Variants in MUC6 observed in about 807,000 individuals in gnomAD.
The protein encoded by MUC6 is mucin 6, oligomeric mucus/gel-forming (gene/pseudogene).
Under a neutral mutation model 201.5 loss-of-function variants are expected in MUC6, and 188 were observed. The ratio of observed to expected loss-of-function variants is 0.93; its 90% CI spans 0.83 to 1.05. MUC6 has a LOEUF of 1.05. Ranked by LOEUF, MUC6 falls within the 50% of genes least tolerant of loss-of-function variation. The pLI is 0.00. For synonymous variants in MUC6, 1,228 were observed against 1,389.4 expected, an observed-to-expected ratio of 0.88 and a Z score of 2.58; for missense variants, 2,706 against 3,256.9, an observed-to-expected ratio of 0.83 and a Z score of 4.12.
rs756777867 is a variant in MUC6 at position 1,029,359 on chromosome 11, T to A, written c.1144A>T (p.Thr382Ser). The A allele has an allele frequency of 6.3e-7, 1 of 1,597,536 alleles. No individual in the cohort carries two copies. The highest frequency in any genetic ancestry group is 1.1e-5 in the South Asian group (1 of 88,888). ...TCCGTGCACACCCAGCGGCCCAGGG[T>A]GCACCGGCTGTGGGTGGGCGTGGGG... Reference protein sequence around the residue: ...TIAACQTCRCTLGRWVCTERP... With the variant: ...TIAACQTCRCSLGRWVCTERP... The change falls in exon 10 of 33, where the codon ACC (threonine) becomes TCC (serine). Residue 382 changes from threonine to serine, a missense_variant. Physicochemically the swap from Thr to Ser is moderately conservative, Grantham distance 58. This residue lies in a region of MUC6 where 1,850 missense variants were observed against 1,958.3 expected (regional missense o/e 0.94). Coordinates refer to ENST00000421673, the MANE Select transcript of MUC6 (RefSeq NM_005961.3).
At position 1,016,459 on chromosome 11, in the gene MUC6, C is replaced by A; in HGVS notation, c.6342G>T (p.Leu2114Phe). The A allele has an allele frequency of 1.9e-6, 3 of 1,613,672 alleles. No homozygotes were observed. Among genetic ancestry groups the A allele is most frequent in the Non-Finnish European group, 2.5e-6 (3 of 1,179,822 alleles). ...SSPITTQLPHLSSATTPVSTT... is the reference protein window; with the variant it reads ...SSPITTQLPHFSSATTPVSTT... ...TGGAAACAGGAGTGGTTGCAGAACT[C>A]AAGTGGGGGAGTTGTGTGGTGATAG... The change falls in exon 31 of 33, where the codon TTG (leucine) becomes TTT (phenylalanine). Residue 2114 changes from leucine to phenylalanine, a missense_variant. Leu to Phe is a conservative substitution (Grantham distance 22, BLOSUM62 0). Coordinates refer to ENST00000421673, the MANE Select transcript of MUC6 (RefSeq NM_005961.3).
chr11:1,026,170 G>T, intron 20 of MUC6, 29 bp from the exon 21 acceptor site: 2 of 1,572,942 alleles, frequency 1.3e-6, no homozygotes, highest in Non-Finnish European at 8.6e-7. Context: ...TGGGTGGTGG[G>T]CCTGCGGCCC....
chr11:1,013,879 C>A lies in MUC6; in HGVS notation c.7142+20G>T. The A allele has an allele frequency of 6.3e-7, 1 of 1,590,264 alleles. No individual in the cohort carries two copies. Among genetic ancestry groups the A allele is most frequent in the Non-Finnish European group, 8.5e-7 (1 of 1,170,048 alleles). On this transcript the variant is annotated intron_variant, in intron 32 of 32. Coordinates refer to ENST00000421673, the MANE Select transcript of MUC6 (RefSeq NM_005961.3). ...AGCACCTTGGTGGACGTGGGGCAGG[C>A]CTCCCACCTGTGGACTCACCTGGCA...
chr11:1,036,682 T>A lies in MUC6; in HGVS notation c.-27A>T. On this transcript the variant is annotated 5_prime_UTR_variant, in exon 1 of 33. Transcript: ENST00000421673. ...GTGCACAGTGGAGAGGAGCTCGCGC[T>A]GGGCCCGGCAGGCCTGCTGCTGCCA... The A allele has an allele frequency of 1.3e-6, 2 of 1,543,442 alleles. No individual in the cohort carries two copies. Among genetic ancestry groups the A allele is most frequent in the East Asian group, 2.4e-5 (1 of 40,842 alleles).
In MUC6 at chr11:1,020,607, A is replaced by G; in HGVS notation, c.3640+77T>C. ...CTGCCCCCTCCCTGCTTCCCACCCG[A>G]CAGATTTGTCCAGGGAACCGAGGGG... On this transcript the variant is annotated intron_variant, in intron 28 of 32. Transcript: ENST00000421673. The G allele has an allele frequency of 4.4e-6, 7 of 1,588,598 alleles. No homozygotes were observed. In the South Asian group the frequency reaches 7.7e-5, roughly 18 times the overall value.
In MUC6 at chr11:1,027,818, C is replaced by G. The variant is rs1857002351; in HGVS notation, c.1849-1G>C. 1 of 1,609,176 alleles carries G rather than the reference C, an allele frequency of 6.2e-7. No individual in the cohort carries two copies. The highest frequency in any genetic ancestry group is 8.5e-7 in the Non-Finnish European group (1 of 1,179,202). ...AGTTGCAGGCCTGGTACACGCACCT[C>G]TGCGGGCAGAGAGCCAGCATGGGCT... On this transcript the variant is annotated splice_acceptor_variant, in intron 15 of 32. Coordinates refer to ENST00000421673, the MANE Select transcript of MUC6 (RefSeq NM_005961.3). LOFTEE classifies it high-confidence loss of function.
chr11:1,018,736 C>T lies in MUC6; in HGVS notation c.4065G>A (p.Thr1355=), dbSNP rs201786721. The T allele has an allele frequency of 3.5e-5, 55 of 1,579,146 alleles. No individual in the cohort carries two copies. The highest frequency in any genetic ancestry group is 4.6e-5 in the South Asian group (4 of 86,152). The stretch of plus-strand genomic sequence containing the variant: ...GACGTGGGCCTGTCGTCTGGGTGGC[C>T]GTTGTTCCTGGCAGTTCCTGATTGG... The part of the protein sequence containing the change: ...KSTNQELPGT[T]ATQTTGPRPT... Residue 1355 remains threonine (T), a synonymous_variant, in exon 31 of 33, where the codon ACG becomes ACA. Transcript: ENST00000421673.
At chr11:1,021,368 C>CTTTTTTT in intron 26 of MUC6, 91 bp from the exon 27 acceptor site, 2 of 449,012 alleles carry the variant, frequency 4.5e-6, no homozygotes, top group Non-Finnish European at 7.2e-6. Context: ...TTCCTCTCTG[C>CTTTTTTT]TTTTTTTTTT....
chr11:1,024,203 G>T, intron 24 of MUC6, 100 bp from the exon 25 acceptor site: 1 of 1,361,128 alleles, frequency 7.3e-7, no homozygotes. Context: ...GCCGGAGTGT[G>T]GCGGTAAGGG....
intron 4 of MUC6, 90 bp from the exon 5 acceptor site, chr11:1,031,349 G>T: frequency 1.5e-6 from 2 of 1,306,084 alleles, no homozygotes; most frequent in Non-Finnish European, 2.1e-6. Flanking sequence ...TGGACCCAGA[G>T]CCCCCACCAT....
At chr11:1,025,135 C>A (rs2133827486) in intron 23 of MUC6, 47 bp downstream of exon 23, 1 of 1,610,928 alleles carries the variant, frequency 6.2e-7, no homozygotes, top group Non-Finnish European at 8.5e-7. Flanking sequence ...TCTGTCTCCA[C>A]CCCTGCATCA....
chr11:1,015,342 C>G (rs958522928), intron 31 of MUC6, among the ~76,000 whole-genome samples: 3 of 152,220 alleles, frequency 2.0e-5, no homozygotes, highest in African/African-American at 7.2e-5. Flanking sequence ...ACTTTTGTGT[C>G]TCTCTCTGCA....
rs79558758 is a variant in MUC6, at chr11:1,024,251, C to T, written c.3226-148G>A. 12 of 992,416 alleles carry T rather than the reference C, an allele frequency of 1.2e-5. No homozygotes were observed. The East Asian group carries it at 3.2e-4, about 26-fold the overall frequency. The allele number at this position is 992,416 out of a possible 1,614,324, so 61.5% of individuals were successfully genotyped here. ...GTGAGCGGCACCACGTGGACCTCAGCCCTGACCGCTAGCCACGCTCCCGGA... is the reference window on the plus strand; with the variant it reads ...GTGAGCGGCACCACGTGGACCTCAGTCCTGACCGCTAGCCACGCTCCCGGA... On this transcript the variant is annotated intron_variant, in intron 24 of 32. Coordinates refer to ENST00000421673, the MANE Select transcript of MUC6 (RefSeq NM_005961.3).
chr11:1,024,010 C>T lies in MUC6; in HGVS notation c.3319G>A (p.Ala1107Thr). The T allele has an allele frequency of 6.2e-7, 1 of 1,612,026 alleles. No homozygotes were observed. The highest frequency in any genetic ancestry group is 8.5e-7 in the Non-Finnish European group (1 of 1,179,584). Residue 1107 changes from alanine (A) to threonine (T), a missense_variant, in exon 25 of 33, where the codon GCC (alanine) becomes ACC (threonine). By Grantham distance (58) the Ala-to-Thr change is moderately conservative. Around this residue, in one of 10 missense-constraint regions of MUC6, gnomAD observed 1,850 missense variants for 1,958.3 expected, o/e 0.94. Coordinates refer to ENST00000421673, the MANE Select transcript of MUC6 (RefSeq NM_005961.3). ...TTGTCCAGACAGGCTTGGGCGTAGG[C>T]AGCCACGGCATCGCACAGACACTCA... ...DCECLCDAVA[A>T]YAQACLDKGV... is the part of the protein sequence containing the mutation.
chr11:1,024,075 C>G lies in MUC6; in HGVS notation c.3254G>C (p.Cys1085Ser). The G allele has an allele frequency of 6.2e-7, 1 of 1,613,042 alleles. No homozygotes were observed. The highest frequency in any genetic ancestry group is 8.5e-7 in the Non-Finnish European group (1 of 1,179,780). ...KVYHLPYYEA[C>S]VRDACGCDSG... is the part of the protein sequence containing the mutation. ...GTCACACCCACATGCGTCGCGCACG[C>G]AGGCCTCGTAGTAGGGCAGGTGGTA... Residue 1085 changes from cysteine to serine, a missense_variant, in exon 25 of 33, where the codon TGC becomes TCC. Physicochemically the swap from Cys to Ser is moderately radical, Grantham distance 112. This residue lies in a region of MUC6 where 1,850 missense variants were observed against 1,958.3 expected (regional missense o/e 0.94). Coordinates refer to ENST00000421673, the MANE Select transcript of MUC6 (RefSeq NM_005961.3).
At position 1,035,015 on chromosome 11, in the gene MUC6, C is replaced by T. The variant is rs1040827223; in HGVS notation, c.52+1589G>A. On this transcript the variant is annotated intron_variant, in intron 1 of 32. Coordinates refer to ENST00000421673, the MANE Select transcript of MUC6 (RefSeq NM_005961.3). ...GCATGGGCATCTGGGCGGGTTGGTC[C>T]GCCACCCCCGGCCTCTCAGCCCCTG... 5.9e-5 allele frequency among the ~76,000 whole-genome samples: 9 copies of T among 152,242 alleles called. No individual in the cohort carries two copies. In the East Asian group the frequency reaches 7.7e-4, roughly 13 times the overall value.
Position 1,027,278 on chromosome 11 carries a change from C to T in MUC6, c.2221G>A (p.Gly741Ser), listed in dbSNP as rs759147601. The change falls in exon 17 of 33, where the codon GGC becomes AGC. Residue 741 changes from glycine (G) to serine (S), a missense_variant. Around this residue, in one of 10 missense-constraint regions of MUC6, gnomAD observed 1,850 missense variants for 1,958.3 expected, o/e 0.94. Transcript: ENST00000421673. ...ILAEQSTVINGITCHCINGRL... is the reference protein window; with the variant it reads ...ILAEQSTVINSITCHCINGRL... ...TGCCCGGTCCCTCACCAGGTGATGC[C>T]GTTGATGACAGTGGACTGCTCGGCC... 1.2e-5 allele frequency: 19 copies of T among 1,612,336 alleles called. No homozygotes were observed. Among genetic ancestry groups the T allele is most frequent in the Middle Eastern group, 1.6e-4 (1 of 6,084 alleles).
In MUC6 at chr11:1,019,326, T is replaced by C; in HGVS notation, c.3979A>G (p.Thr1327Ala). The C allele has an allele frequency of 6.2e-7, 1 of 1,613,950 alleles. No individual in the cohort carries two copies. The highest frequency in any genetic ancestry group is 8.5e-7 in the Non-Finnish European group (1 of 1,179,886). Residue 1327 changes from threonine (T) to alanine (A), a missense_variant, in exon 30 of 33, where the codon ACC becomes GCC. By Grantham distance (58) the Thr-to-Ala change is moderately conservative. Around this residue, in one of 10 missense-constraint regions of MUC6, gnomAD observed 1,850 missense variants for 1,958.3 expected, o/e 0.94. Coordinates refer to ENST00000421673, the MANE Select transcript of MUC6 (RefSeq NM_005961.3). ...GCTGGGGTTGGTAGTGTCATTGTGG[T>C]CCGTGTTGTGGACTGAGCTGTGGAC... is the stretch of plus-strand genomic sequence containing the variant. The part of the protein sequence containing the change: ...TTSTAQSTTR[T>A]TMTLPTPATS...
rs200505619 is a variant in MUC6 at position 1,015,915 on chromosome 11, G to A, written c.6886C>T (p.Pro2296Ser). Reference sequence around the variant, plus strand: ...GTAAGGTTGGTGACTGGAGAGGTGGGGATACCCGTCACCCCCGAGGTGAGT... The same window carrying A: ...GTAAGGTTGGTGACTGGAGAGGTGGAGATACCCGTCACCCCCGAGGTGAGT... ...VSLTSGVTGI[P>S]TSPVTNLTTR... The change falls in exon 31 of 33, where the codon CCC becomes TCC. Residue 2296 changes from proline (P) to serine (S), a missense_variant. By Grantham distance (74) the Pro-to-Ser change is moderately conservative (BLOSUM62 -1). Around this residue, in one of 10 missense-constraint regions of MUC6, gnomAD observed 586 missense variants for 488.0 expected, o/e 1.20. Transcript: ENST00000421673. 451 of 1,605,186 alleles carry A rather than the reference G, an allele frequency of 2.8e-4. 1 individual carries two copies. Among genetic ancestry groups the A allele is most frequent in the Non-Finnish European group, 3.7e-4 (435 of 1,175,048 alleles).
Sources: gnomAD v4.1 joint callset for allele counts (sites outside exome capture counted in the v4.1 genomes callset) on GRCh38, gnomAD v4.1.1 for gene constraint, gnomAD v4.1.1 regional missense constraint, MANE v1.5 for transcripts, NCBI Gene and HGNC (gene_info 2026-07-23, HGNC 2026-07-21) for gene names.